MACROD2: variants seen among roughly 807,000 people sequenced by gnomAD.
MACROD2 encodes the protein mono-ADP ribosylhydrolase 2.
In MACROD2, 36 loss-of-function variants were observed where a neutral mutation model predicts 70.4. The observed-to-expected ratio is 0.51, with a 90% confidence interval of 0.39 to 0.68. MACROD2 has a LOEUF of 0.68. Ranked by LOEUF, MACROD2 falls within the 30% of genes least tolerant of loss-of-function variation. MACROD2 has a pLI of 0.00. For synonymous variants in MACROD2, 172 were observed against 178.8 expected, an observed-to-expected ratio of 0.96 and a Z score of 0.30; for missense variants, 496 against 538.4, an observed-to-expected ratio of 0.92 and a Z score of 0.78.
chr20:14,754,166 A>G (rs2123741311), intron 5 of MACROD2, among the ~76,000 whole-genome samples: 1 of 152,272 alleles, frequency 6.6e-6, no homozygotes, highest in Non-Finnish European at 1.5e-5. Flanking sequence ...ATCCAGCATT[A>G]ATTCAACAAA....
chr20:14,449,885 A>C (rs749513611), intron 3 of MACROD2, among the ~76,000 whole-genome samples: 104 of 152,092 alleles, frequency 6.8e-4, no homozygotes, highest in Non-Finnish European at 1.2e-3. Context: ...GCAGGGGATC[A>C]TTTCAGATTA....
chr20:15,070,041 G>GC (rs1269297081), intron 5 of MACROD2, among the ~76,000 whole-genome samples: 1 of 152,238 alleles, frequency 6.6e-6, no homozygotes, highest in South Asian at 2.1e-4. Flanking sequence ...GAGCACAGAG[G>GC]CTGCACCCTA....
chr20:15,568,460 C>T (rs1455072754), intron 8 of MACROD2, among the ~76,000 whole-genome samples: 1 of 152,052 alleles, frequency 6.6e-6, no homozygotes, highest in Non-Finnish European at 1.5e-5. Context: ...TGTGTCAACA[C>T]CGTTGGCTGC....
chr20:15,105,209 A>C (rs186870857), intron 5 of MACROD2, among the ~76,000 whole-genome samples: 2 of 151,906 alleles, frequency 1.3e-5, no homozygotes, highest in African/African-American at 4.8e-5. Flanking sequence ...TTTCTCTCCA[A>C]CTCAGCTTCT....
At chr20:15,905,118 T>G (rs1178154912) in intron 10 of MACROD2, among the ~76,000 whole-genome samples, 1 of 152,218 alleles carries the variant, frequency 6.6e-6, no homozygotes, top group Non-Finnish European at 1.5e-5. Context: ...AAATTGATTC[T>G]TTATGAGCTC....
chr20:14,140,798 A>T (rs552627477), intron 3 of MACROD2, among the ~76,000 whole-genome samples: 3 of 151,988 alleles, frequency 2.0e-5, no homozygotes, highest in Non-Finnish European at 4.4e-5. Context: ...TTATTTTCGA[A>T]ATGATTATCA....
chr20:15,224,012 G>C (rs1467350262), intron 5 of MACROD2, among the ~76,000 whole-genome samples: 1 of 152,116 alleles, frequency 6.6e-6, no homozygotes, highest in African/African-American at 2.4e-5. Context: ...TGTGCAGTGA[G>C]GAAACCCAAA....
chr20:14,951,023 A>G lies in MACROD2; in HGVS notation c.418+266064A>G, dbSNP rs113434024. ...TCAGTACTGAGCTTAATATGTAGAG[A>G]ACCAAGGCAGCCCACTCACTACCAA... On this transcript the variant is annotated intron_variant, in intron 5 of 17. Coordinates refer to ENST00000684519, the MANE Select transcript of MACROD2 (RefSeq NM_001351661.2). Among the ~76,000 whole-genome samples the G allele has an allele frequency of 5.1e-3, 783 of 152,182 alleles. 6 individuals are homozygous for G. The highest frequency in any genetic ancestry group is 0.018 in the African/African-American group (739 of 41,522).
At chr20:14,800,683 C>A (rs186855730) in intron 5 of MACROD2, among the ~76,000 whole-genome samples, 1 of 152,182 alleles carries the variant, frequency 6.6e-6, no homozygotes, top group East Asian at 1.9e-4. Context: ...ATAAAAATAT[C>A]GCTGAGTACT....
chr20:15,220,002 T>G (rs1181992210), intron 5 of MACROD2, among the ~76,000 whole-genome samples: 30 of 151,896 alleles, frequency 2.0e-4, no homozygotes, highest in African/African-American at 7.2e-4. Context: ...ATTTTTTTTT[T>G]TTTTCTGTTT....
chr20:15,124,268 T>TA (rs1406353137), intron 5 of MACROD2, among the ~76,000 whole-genome samples: 1 of 151,568 alleles, frequency 6.6e-6, no homozygotes, highest in East Asian at 1.9e-4. Context: ...TGAGATTTTA[T>TA]ACTATAGGAA....
chr20:14,189,954 G>A (rs566403701), intron 3 of MACROD2, among the ~76,000 whole-genome samples: 91 of 152,216 alleles, frequency 6.0e-4, no homozygotes, highest in Middle Eastern at 3.4e-3. Context: ...TGTGACTGTT[G>A]GTTTCCTGAC....
intron 6 of MACROD2, among the ~76,000 whole-genome samples, chr20:15,323,130 G>C (rs2077890501): frequency 1.3e-5 from 2 of 152,104 alleles, no homozygotes; most frequent in South Asian, 4.2e-4. Context: ...GCCTTTGCCA[G>C]TTATTGAGCA....
At chr20:15,638,531 T>C (rs2049405085) in intron 8 of MACROD2, among the ~76,000 whole-genome samples, 1 of 152,198 alleles carries the variant, frequency 6.6e-6, no homozygotes, top group Non-Finnish European at 1.5e-5. Flanking sequence ...ATAGTCCTCC[T>C]GGAGGGAGGC....
At chr20:14,549,990 G>A (rs1600374044) in intron 4 of MACROD2, among the ~76,000 whole-genome samples, 1 of 150,534 alleles carries the variant, frequency 6.6e-6, no homozygotes, top group Middle Eastern at 3.4e-3. Flanking sequence ...GTGCAGTGGT[G>A]CCATCTTGGC....
At chr20:14,280,662 A>T (rs1364930042) in intron 3 of MACROD2, among the ~76,000 whole-genome samples, 1 of 152,220 alleles carries the variant, frequency 6.6e-6, no homozygotes, top group East Asian at 1.9e-4. Flanking sequence ...GATGAAGTTC[A>T]ACATTTTTAG....
chr20:15,856,095 G>A (rs191498527), intron 8 of MACROD2, among the ~76,000 whole-genome samples: 1 of 152,248 alleles, frequency 6.6e-6, no homozygotes, highest in Admixed American at 6.5e-5. Flanking sequence ...AATTTACTAT[G>A]TACTGCCAAA....
At chr20:15,459,297 C>T (rs911202582) in intron 7 of MACROD2, among the ~76,000 whole-genome samples, 4 of 152,018 alleles carry the variant, frequency 2.6e-5, no homozygotes, top group African/African-American at 9.7e-5. Flanking sequence ...TCTCCTGCCC[C>T]CTCCCCGCTC....
intron 5 of MACROD2, among the ~76,000 whole-genome samples, chr20:14,724,828 G>T (rs2071509208): frequency 6.6e-6 from 1 of 152,188 alleles, no homozygotes. Context: ...TTTGAAGTAT[G>T]TTGGGAGCCA....
Sources: gnomAD v4.1 joint callset for allele counts (sites outside exome capture counted in the v4.1 genomes callset) on GRCh38, gnomAD v4.1.1 for gene constraint, MANE v1.5 for transcripts, NCBI Gene and HGNC (gene_info 2026-07-23, HGNC 2026-07-21) for gene names.